Variants in PLET1 observed in about 807,000 individuals in gnomAD.
PLET1 encodes the protein placenta expressed transcript 1, also known as placenta-expressed transcript 1 protein.
Under a neutral mutation model 18.5 loss-of-function variants are expected in PLET1, and 20 were observed. That is an observed-to-expected ratio of 1.08 (90% CI 0.76 to 1.57). PLET1 has a LOEUF of 1.57. Ranked by LOEUF, PLET1 falls within the 40% of genes most tolerant of loss-of-function variation. The probability of loss-of-function intolerance (pLI) is 0.00; values close to 1 mark genes in which losing one functional copy is unlikely to be tolerated. For synonymous variants in PLET1, 93 were observed against 93.8 expected, an observed-to-expected ratio of 0.99 and a Z score of 0.05; for missense variants, 256 against 246.4, an observed-to-expected ratio of 1.04 and a Z score of -0.26.
At chr11:112,256,493 T>A (rs1314179878) in intron 1 of PLET1, among the ~76,000 whole-genome samples, 1 of 152,150 alleles carries the variant, frequency 6.6e-6, no homozygotes, top group Non-Finnish European at 1.5e-5. Context: ...TGTTCATCAT[T>A]CACTCCATAA....
At chr11:112,256,434 A>G (rs919007008) in intron 1 of PLET1, among the ~76,000 whole-genome samples, 5 of 152,204 alleles carry the variant, frequency 3.3e-5, no homozygotes, top group East Asian at 3.8e-4. Context: ...AATTCTGACT[A>G]TAGCACTTAG....
At chr11:112,249,340 A>G (rs1860131939) in intron 3 of PLET1, among the ~76,000 whole-genome samples, 2 of 152,174 alleles carry the variant, frequency 1.3e-5, no homozygotes, top group Non-Finnish European at 2.9e-5. Flanking sequence ...TAATCAGTGC[A>G]AATATGATCC....
intron 2 of PLET1, among the ~76,000 whole-genome samples, chr11:112,254,578 G>C (rs1464701223): frequency 3.8e-5 from 5 of 132,878 alleles, no homozygotes; most frequent in African/African-American, 1.1e-4. Flanking sequence ...CGTGTGGTAT[G>C]TATGTGTGGC....
chr11:112,254,133 T>C (rs1202393968), intron 2 of PLET1, among the ~76,000 whole-genome samples: 1 of 151,804 alleles, frequency 6.6e-6, no homozygotes, highest in Non-Finnish European at 1.5e-5. Context: ...AGTTTGAACA[T>C]AGGGAATATG....
At chr11:112,257,229 C>T (rs1212111747) in intron 1 of PLET1, among the ~76,000 whole-genome samples, 1 of 152,200 alleles carries the variant, frequency 6.6e-6, no homozygotes, top group Non-Finnish European at 1.5e-5. Context: ...TGCAAATGCA[C>T]CTGCCCCTGA....
intron 3 of PLET1, among the ~76,000 whole-genome samples, chr11:112,250,569 GCCCAC>G (rs1736863025): frequency 6.6e-6 from 1 of 152,156 alleles, no homozygotes; most frequent in African/African-American, 2.4e-5. Context: ...CATGCTGTCA[GCCCAC>G]CCACACACAG....
chr11:112,248,906 G>A lies in PLET1; in HGVS notation c.517C>T (p.Pro173Ser), dbSNP rs897543860. Residue 173 changes from proline to serine, a missense_variant, in exon 4 of 4, where the codon CCC becomes TCC. Coordinates refer to ENST00000338832, the MANE Select transcript of PLET1 (RefSeq NM_001145024.1). ...AAGCCTTCGAGTCTGATACTCTTGG[G>A]TGTAATCATGAAGAAAGGCTTGAAG... is the stretch of plus-strand genomic sequence containing the variant. Reference protein sequence around the residue: ...SAFKPFFMITPKSIRLEGLAN... With the variant: ...SAFKPFFMITSKSIRLEGLAN... 8 of 1,551,312 alleles carry A rather than the reference G, an allele frequency of 5.2e-6. No individual in the cohort carries two copies. The highest frequency in any genetic ancestry group is 7.0e-6 in the Non-Finnish European group (8 of 1,146,964).
rs1860127148 is a variant in PLET1, at chr11:112,248,938, C to A, written c.485G>T (p.Ser162Ile). ...CATGAAGAAAGGCTTGAAGGCTGAG[C>A]TCTGGGGAATCTTGGCAGCTAAGGC... is the stretch of plus-strand genomic sequence containing the variant. ...TLALAAKIPQ[S>I]SAFKPFFMIT... The change falls in exon 4 of 4, where the codon AGC becomes ATC. Residue 162 changes from serine (S) to isoleucine (I), a missense_variant. Physicochemically the swap from Ser to Ile is moderately radical, Grantham distance 142 (BLOSUM62 -2). Transcript: ENST00000338832. 6.4e-7 allele frequency: 1 copy of A among 1,550,756 alleles called. No homozygotes were observed. Among genetic ancestry groups the A allele is most frequent in the Non-Finnish European group, 8.7e-7 (1 of 1,146,974 alleles).
At chr11:112,252,969 G>T (rs1189356065) in intron 2 of PLET1, among the ~76,000 whole-genome samples, 1 of 152,150 alleles carries the variant, frequency 6.6e-6, no homozygotes. Context: ...GTTCATACAT[G>T]TGTTAGATCA....
At chr11:112,254,557 T>C (rs1262956347) in intron 2 of PLET1, among the ~76,000 whole-genome samples, 1 of 68,100 alleles carries the variant, frequency 1.5e-5, no homozygotes, top group Non-Finnish European at 3.4e-5. Context: ...GTGTGGTGTA[T>C]ATGTGATGTG....
At chr11:112,254,254 G>A (rs1304520258) in intron 2 of PLET1, among the ~76,000 whole-genome samples, 8 of 139,982 alleles carry the variant, frequency 5.7e-5, no homozygotes, top group Non-Finnish European at 1.1e-4. Context: ...GGTCTGGTAT[G>A]TGCGTGTGGT....
intron 1 of PLET1, among the ~76,000 whole-genome samples, chr11:112,259,653 G>A (rs548677581): frequency 1.3e-5 from 2 of 152,262 alleles, no homozygotes; most frequent in South Asian, 4.1e-4. Context: ...TACTTCCCCT[G>A]TGTTGTTTAT....
rs1360728794 is a variant in PLET1 at position 112,260,839 on chromosome 11, G to A, written c.-250C>T. 4.2e-6 allele frequency: 2 copies of A among 478,268 alleles called. No homozygotes were observed. The highest frequency in any genetic ancestry group is 7.5e-5 in the Admixed American group (2 of 26,684). The allele number at this position is 478,268 out of a possible 1,614,324, so 29.6% of individuals were successfully genotyped here. A position where few individuals can be genotyped will look rare whatever the true frequency, so the allele number is the denominator to read the frequency against. On this transcript the variant is annotated 5_prime_UTR_variant, in exon 1 of 4. Coordinates refer to ENST00000338832, the MANE Select transcript of PLET1 (RefSeq NM_001145024.1). ...CAAGAAAGGGAATGTCCTGAATATG[G>A]TTTTCTTTTACGCCTGTCATTTCAG...
At chr11:112,258,729 C>G (rs182855258) in intron 1 of PLET1, among the ~76,000 whole-genome samples, 1 of 152,214 alleles carries the variant, frequency 6.6e-6, no homozygotes, top group Non-Finnish European at 1.5e-5. Context: ...TCCACCTGTG[C>G]TCATCTTGAA....
Position 112,252,420 on chromosome 11 carries a change from C to A in PLET1, c.387-11G>T. 3.9e-6 allele frequency: 6 copies of A among 1,549,814 alleles called. No homozygotes were observed. Among genetic ancestry groups the A allele is most frequent in the Non-Finnish European group, 5.2e-6 (6 of 1,145,398 alleles). ...TGGACAGTGAAAGCTCTGTGGAGGGCAAATCAATGAGAGATAATGCTGAGG... is the reference window on the plus strand; with the variant it reads ...TGGACAGTGAAAGCTCTGTGGAGGGAAAATCAATGAGAGATAATGCTGAGG... On this transcript the variant is annotated splice_polypyrimidine_tract_variant and intron_variant, in intron 2 of 3. Transcript: ENST00000338832.
chr11:112,257,899 C>G (rs1485226022), intron 1 of PLET1, among the ~76,000 whole-genome samples: 1 of 152,202 alleles, frequency 6.6e-6, no homozygotes, highest in Non-Finnish European at 1.5e-5. Context: ...GCAGTAACAC[C>G]TGCAAGGCAA....
In PLET1 at chr11:112,248,615, A is replaced by T. The variant is rs890203654; in HGVS notation, c.*184T>A. The T allele has an allele frequency of 9.5e-6, 6 of 634,224 alleles. No individual in the cohort carries two copies. In the Admixed American group the frequency reaches 1.5e-4, roughly 16 times the overall value. The allele number at this position is 634,224 out of a possible 1,614,324, so 39.3% of individuals were successfully genotyped here. A position where few individuals can be genotyped will look rare whatever the true frequency, so the allele number is the denominator to read the frequency against. ...TCCTGAAAGATCCAGATGAACATCT[A>T]TGTGACCCAAGCCTGCCAATGAGTG... On this transcript the variant is annotated 3_prime_UTR_variant, in exon 4 of 4. Transcript: ENST00000338832.
rs1181076426 is a variant in PLET1, at chr11:112,255,289, C to T, written c.386+99G>A. On this transcript the variant is annotated intron_variant, in intron 2 of 3. Coordinates refer to ENST00000338832, the MANE Select transcript of PLET1 (RefSeq NM_001145024.1). Reference sequence around the variant, plus strand: ...TGCGACTGCTGAGTTCTCCATATCACGTCTGGATTGTATTTTAAGTCCTCC... The same window carrying T: ...TGCGACTGCTGAGTTCTCCATATCATGTCTGGATTGTATTTTAAGTCCTCC... 3.2e-6 allele frequency: 4 copies of T among 1,234,912 alleles called. No homozygotes were observed. The Admixed American group carries it at 6.0e-5, about 19-fold the overall frequency. 76.5% of individuals were successfully genotyped at this position (1,234,912 alleles called of 1,614,324 possible).
chr11:112,249,695 G>A (rs1009938288), intron 3 of PLET1, among the ~76,000 whole-genome samples: 2 of 152,130 alleles, frequency 1.3e-5, no homozygotes, highest in Non-Finnish European at 2.9e-5. Context: ...GAGACCAGAT[G>A]TCTGTAATCC....
Sources: gnomAD v4.1 joint callset for allele counts (sites outside exome capture counted in the v4.1 genomes callset) on GRCh38, gnomAD v4.1.1 for gene constraint, MANE v1.5 for transcripts, NCBI Gene and HGNC (gene_info 2026-07-23, HGNC 2026-07-21) for gene names.